The following PPM1B variants were observed in gnomAD, a reference collection of about 807,000 sequenced individuals.
PPM1B encodes the protein protein phosphatase, Mg2+/Mn2+ dependent 1B, also known as protein phosphatase 1B.
PPM1B carries 22 observed loss-of-function variants against 43.0 expected under a neutral mutation model. That is an observed-to-expected ratio of 0.51 (90% CI 0.37 to 0.73). The LOEUF (loss-of-function observed/expected upper bound fraction) is 0.73, where lower values mean the gene tolerates loss of function less well. Ranked by LOEUF, PPM1B falls within the 30% of genes least tolerant of loss-of-function variation. PPM1B has a pLI of 0.00. For synonymous variants in PPM1B, 217 were observed against 197.9 expected, an observed-to-expected ratio of 1.10 and a Z score of -0.81; for missense variants, 632 against 584.2, an observed-to-expected ratio of 1.08 and a Z score of -0.84.
chr2:44,199,482 A>C (rs1668830320), intron 1 of PPM1B, among the ~76,000 whole-genome samples: 2 of 152,138 alleles, frequency 1.3e-5, no homozygotes, highest in Admixed American at 1.3e-4. Context: ...TCACCCCCCA[A>C]AAAAGAAAGA....
At chr2:44,178,379 C>A (rs1435149452) in intron 1 of PPM1B, among the ~76,000 whole-genome samples, 3 of 150,574 alleles carry the variant, frequency 2.0e-5, no homozygotes, top group African/African-American at 7.3e-5. Context: ...ATAGCCCTAA[C>A]TAGATATTTC....
chr2:44,172,950 A>G (rs1667417365), intron 1 of PPM1B, among the ~76,000 whole-genome samples: 2 of 152,206 alleles, frequency 1.3e-5, no homozygotes, highest in Non-Finnish European at 2.9e-5. Flanking sequence ...CTTTGTGTCC[A>G]TTTGATTTGA....
chr2:44,179,680 T>TGTTA (rs1474997297), intron 1 of PPM1B, among the ~76,000 whole-genome samples: 3 of 152,196 alleles, frequency 2.0e-5, no homozygotes, highest in African/African-American at 7.2e-5. Flanking sequence ...TAGATTTAGA[T>TGTTA]GTTAGTGTGT....
intron 5 of PPM1B, among the ~76,000 whole-genome samples, chr2:44,241,772 G>A (rs1670749407): frequency 6.6e-6 from 1 of 150,728 alleles, no homozygotes; most frequent in Admixed American, 6.6e-5. Context: ...TTATGATTTG[G>A]CATATAACAC....
intron 1 of PPM1B, among the ~76,000 whole-genome samples, chr2:44,170,439 G>A (rs1411686144): frequency 2.0e-5 from 3 of 152,196 alleles, no homozygotes; most frequent in Non-Finnish European, 4.4e-5. Flanking sequence ...TTCTTTTTCT[G>A]TTAACAAACG....
At chr2:44,232,989 G>A, downstream of PPM1B, 1 of 980,538 alleles carries the variant, frequency 1.0e-6, no homozygotes. Context: ...CAAATTTTAT[G>A]CATGTATCTA....
chr2:44,220,486 T>C (rs1300102899), intron 5 of PPM1B, among the ~76,000 whole-genome samples: 2 of 152,222 alleles, frequency 1.3e-5, no homozygotes, highest in Non-Finnish European at 2.9e-5. Flanking sequence ...TTAAATAGAT[T>C]ATTATTTGGC....
intron 2 of PPM1B, among the ~76,000 whole-genome samples, chr2:44,207,037 A>G (rs962859139): frequency 3.3e-5 from 5 of 152,192 alleles, no homozygotes; most frequent in African/African-American, 9.7e-5. Context: ...CCAATTTGGA[A>G]ATGGTTTTTC....
chr2:44,228,482 A>G (rs1423472776), intron 5 of PPM1B, among the ~76,000 whole-genome samples: 2 of 152,170 alleles, frequency 1.3e-5, no homozygotes, highest in Non-Finnish European at 2.9e-5. Context: ...AATGAGGGCA[A>G]CTTTTTAAAA....
intron 3 of PPM1B, among the ~76,000 whole-genome samples, chr2:44,216,079 T>A (rs541343882): frequency 1.3e-5 from 2 of 152,206 alleles, no homozygotes; most frequent in African/African-American, 4.8e-5. Context: ...TGGGAATTCA[T>A]TGGAAGATTT....
intron 1 of PPM1B, among the ~76,000 whole-genome samples, chr2:44,189,877 C>T (rs534262455): frequency 7.2e-4 from 109 of 152,294 alleles, no homozygotes; most frequent in African/African-American, 2.5e-3. Context: ...CTTAATTTTT[C>T]ATTGCTTCGT....
intron 2 of PPM1B, among the ~76,000 whole-genome samples, chr2:44,208,177 C>T (rs1285951345): frequency 2.0e-5 from 3 of 151,980 alleles, no homozygotes; most frequent in Admixed American, 6.6e-5. Context: ...CGTGAGCCAC[C>T]GTGCCCAGTG....
intron 3 of PPM1B, among the ~76,000 whole-genome samples, chr2:44,211,742 CTTTTT>C (rs55716263): frequency 3.8e-5 from 3 of 78,632 alleles, no homozygotes; most frequent in Admixed American, 1.6e-4. Flanking sequence ...CTGATTCTGT[CTTTTT>C]TTTTTTTTTT....
At position 44,175,184 on chromosome 2, in the gene PPM1B, G is replaced by T. The variant is rs528334684; in HGVS notation, c.-15+5910G>T. 1.7e-4 allele frequency among the ~76,000 whole-genome samples: 26 copies of T among 152,268 alleles called. No individual in the cohort carries two copies. In the East Asian group the frequency reaches 4.4e-3, roughly 26 times the overall value. ...CAGGAGAATCGCTTGAACCCAGGAG[G>T]TGGAGGTTCAACCCAGCTGAAATCG... On this transcript the variant is annotated intron_variant, in intron 1 of 5. Transcript: ENST00000282412.
intron 1 of PPM1B, among the ~76,000 whole-genome samples, chr2:44,170,162 C>T (rs1241212645): frequency 6.6e-6 from 1 of 152,110 alleles, no homozygotes; most frequent in Non-Finnish European, 1.5e-5. Flanking sequence ...GACGTTTGCC[C>T]ATCTTATTCG....
intron 1 of PPM1B, among the ~76,000 whole-genome samples, chr2:44,178,312 A>G (rs1046165236): frequency 1.3e-5 from 2 of 151,794 alleles, no homozygotes; most frequent in African/African-American, 4.8e-5. Flanking sequence ...TGCCATATAT[A>G]TATGCGAGAA....
intron 3 of PPM1B, 100 bp from the exon 4 acceptor site, chr2:44,217,867 A>G: frequency 1.7e-6 from 1 of 605,476 alleles, no homozygotes; most frequent in Non-Finnish European, 2.6e-6. Flanking sequence ...TTTTTAATAT[A>G]TTTTAAAATA....
At chr2:44,198,931 A>G (rs1364064229) in intron 1 of PPM1B, among the ~76,000 whole-genome samples, 3 of 152,206 alleles carry the variant, frequency 2.0e-5, no homozygotes, top group Non-Finnish European at 2.9e-5. Context: ...AAATTTCATT[A>G]CAATCACAAG....
At chr2:44,219,339 A>T (rs1170425031) in intron 5 of PPM1B, 3 of 152,006 alleles carry the variant, frequency 2.0e-5, no homozygotes, top group Non-Finnish European at 4.4e-5. Context: ...AATGAAACTG[A>T]TTGGGAGGAA....
Sources: gnomAD v4.1 joint callset for allele counts (sites outside exome capture counted in the v4.1 genomes callset) on GRCh38, gnomAD v4.1.1 for gene constraint, MANE v1.5 for transcripts, NCBI Gene and HGNC (gene_info 2026-07-23, HGNC 2026-07-21) for gene names.